Variants in CAMTA1 observed in about 807,000 individuals in gnomAD.
The protein encoded by CAMTA1 is calmodulin binding transcription activator 1.
CAMTA1 carries 27 observed loss-of-function variants against 170.9 expected under a neutral mutation model. That is an observed-to-expected ratio of 0.16 (90% CI 0.12 to 0.22). The LOEUF (loss-of-function observed/expected upper bound fraction) is 0.22. Ranked by LOEUF, CAMTA1 falls within the 10% of genes least tolerant of loss-of-function variation. The probability of loss-of-function intolerance (pLI) is 1.00; values close to 1 mark genes in which losing one functional copy is unlikely to be tolerated. For synonymous variants in CAMTA1, 833 were observed against 891.5 expected (o/e 0.93, Z 1.17); for missense variants, 1,619 against 2,217.2 (o/e 0.73, Z 5.42).
chr1:7,160,820 A>G (rs1468257804), intron 4 of CAMTA1, among the ~76,000 whole-genome samples: 1 of 152,096 alleles, frequency 6.6e-6, no homozygotes, highest in Non-Finnish European at 1.5e-5. Flanking sequence ...CTCTCCCCTG[A>G]CATGCGTTTC....
At chr1:7,002,669 T>C (rs998465593) in intron 3 of CAMTA1, among the ~76,000 whole-genome samples, 1 of 152,238 alleles carries the variant, frequency 6.6e-6, no homozygotes, top group Non-Finnish European at 1.5e-5. Flanking sequence ...GTTCAGTTAC[T>C]CAACCGACAG....
intron 5 of CAMTA1, among the ~76,000 whole-genome samples, chr1:7,265,477 C>T (rs1244597249): frequency 6.6e-6 from 1 of 152,044 alleles, no homozygotes; most frequent in Non-Finnish European, 1.5e-5. Context: ...CTATGCCTGG[C>T]TAATTTTTGT....
intron 3 of CAMTA1, among the ~76,000 whole-genome samples, chr1:7,026,368 G>T (rs1346466024): frequency 2.6e-5 from 4 of 152,094 alleles, no homozygotes; most frequent in Non-Finnish European, 5.9e-5. Flanking sequence ...GTCATCCGTG[G>T]CACGGCCTCA....
chr1:6,913,861 G>A (rs1486692367), intron 3 of CAMTA1, among the ~76,000 whole-genome samples: 3 of 152,164 alleles, frequency 2.0e-5, no homozygotes, highest in African/African-American at 4.8e-5. Flanking sequence ...GAGTACAGGC[G>A]TAGGAGCAGG....
In CAMTA1 at chr1:7,380,744, T is replaced by A. The variant is rs182246871; in HGVS notation, c.439-87086T>A. On this transcript the variant is annotated intron_variant, in intron 5 of 22. Coordinates refer to ENST00000303635, the MANE Select transcript of CAMTA1 (RefSeq NM_015215.4). Reference sequence around the variant, plus strand: ...TTTCTGGAGCCAAGATAACAAACAGTCCTCCCTTCTGATGCCAGGCAGGGT... The same window carrying A: ...TTTCTGGAGCCAAGATAACAAACAGACCTCCCTTCTGATGCCAGGCAGGGT... Among the ~76,000 whole-genome samples, 21 of 152,250 alleles carry A rather than the reference T, an allele frequency of 1.4e-4. No individual in the cohort carries two copies. The East Asian group carries it at 3.9e-3, about 28-fold the overall frequency.
chr1:7,662,424 G>C (rs1171538848), intron 8 of CAMTA1, among the ~76,000 whole-genome samples: 1 of 152,000 alleles, frequency 6.6e-6, no homozygotes, highest in Non-Finnish European at 1.5e-5. Flanking sequence ...CCCATTAGAG[G>C]GTCGTGTCAC....
intron 3 of CAMTA1, among the ~76,000 whole-genome samples, chr1:6,857,946 T>C (rs1663066452): frequency 6.6e-6 from 1 of 152,202 alleles, no homozygotes; most frequent in Admixed American, 6.5e-5. Flanking sequence ...ATGCAAGATA[T>C]GCCAGGGCAG....
intron 4 of CAMTA1, among the ~76,000 whole-genome samples, chr1:7,125,666 G>C (rs1485740765): frequency 2.0e-5 from 3 of 152,212 alleles, no homozygotes; most frequent in African/African-American, 7.2e-5. Context: ...CTAGAGGAAG[G>C]AGAGCTGGCC....
Position 7,664,776 on chromosome 1 carries a change from A to G in CAMTA1, c.2229A>G (p.Gly743=), listed in dbSNP as rs776324794. Residue 743 remains glycine (G), a synonymous_variant, in exon 9 of 23, where the codon GGA becomes GGG. Coordinates refer to ENST00000303635, the MANE Select transcript of CAMTA1 (RefSeq NM_015215.4). ...TCCTCCCGGGCAACGTGGTGCAGGG[A>G]CTCTACCCCGTGGCCCAGCCCAGCC... The part of the protein sequence containing the change: ...VPILPGNVVQ[G]LYPVAQPSLG... 5.0e-6 allele frequency: 8 copies of G among 1,611,764 alleles called. No homozygotes were observed. Among genetic ancestry groups the G allele is most frequent in the Non-Finnish European group, 5.1e-6 (6 of 1,179,232 alleles).
At position 7,685,520 on chromosome 1, in the gene CAMTA1, G is replaced by A. The variant is rs946735425; in HGVS notation, c.2914+7787G>A. Reference sequence around the variant, plus strand: ...CCCATTGATGGCCCCTTCCCCAGGCGAAGCCCTCTGGCTCTGGGCAGTGCG... The same window carrying A: ...CCCATTGATGGCCCCTTCCCCAGGCAAAGCCCTCTGGCTCTGGGCAGTGCG... On this transcript the variant is annotated intron_variant, in intron 11 of 22. Coordinates refer to ENST00000303635, the MANE Select transcript of CAMTA1 (RefSeq NM_015215.4). The surrounding 1 kb of genome is among the most constrained non-coding windows in gnomAD (Gnocchi z 5.7). 1.1e-4 allele frequency among the ~76,000 whole-genome samples: 17 copies of A among 152,148 alleles called. No homozygotes were observed. The highest frequency in any genetic ancestry group is 3.3e-4 in the Admixed American group (5 of 15,268).
intron 2 of CAMTA1, among the ~76,000 whole-genome samples, chr1:6,821,524 A>G (rs1334778296): frequency 4.6e-5 from 7 of 152,176 alleles, no homozygotes; most frequent in Admixed American, 1.3e-4. Context: ...GATATTCCCA[A>G]TAAGATTTAG....
chr1:7,414,831 G>T (rs1237206075), intron 5 of CAMTA1, among the ~76,000 whole-genome samples: 7 of 151,918 alleles, frequency 4.6e-5, no homozygotes, highest in African/African-American at 1.7e-4. Flanking sequence ...TGCTTTTCTA[G>T]TTCTTTTAAT....
At chr1:6,815,341 A>T (rs910856105) in intron 1 of CAMTA1, among the ~76,000 whole-genome samples, 1 of 152,040 alleles carries the variant, frequency 6.6e-6, no homozygotes, top group Admixed American at 6.5e-5. Context: ...TTTAGCTGGG[A>T]CTGCAGGCAC....
In CAMTA1 at chr1:7,007,809, G is replaced by A. The variant is rs902041885; in HGVS notation, c.235-83495G>A. ...ACTCCTCCAGAAGAGAGGCCAGGGAGCATTCCATCAGCCCCACCTCTCCAG... is the reference window on the plus strand; with the variant it reads ...ACTCCTCCAGAAGAGAGGCCAGGGAACATTCCATCAGCCCCACCTCTCCAG... On this transcript the variant is annotated intron_variant, in intron 3 of 22. Transcript: ENST00000303635. The surrounding 1 kb of genome is among the most constrained non-coding windows in gnomAD (Gnocchi z 4.5). Among the ~76,000 whole-genome samples the A allele has an allele frequency of 2.0e-5, 3 of 152,324 alleles. No individual in the cohort carries two copies. Among genetic ancestry groups the A allele is most frequent in the Non-Finnish European group, 4.4e-5 (3 of 68,032 alleles).
intron 5 of CAMTA1, among the ~76,000 whole-genome samples, chr1:7,263,436 A>G (rs1221400273): frequency 6.6e-6 from 1 of 152,202 alleles, no homozygotes; most frequent in Non-Finnish European, 1.5e-5. Flanking sequence ...TTTTACACTC[A>G]ATTAGTTTGT....
At chr1:6,967,092 G>A (rs1040166972) in intron 3 of CAMTA1, among the ~76,000 whole-genome samples, 15 of 151,836 alleles carry the variant, frequency 9.9e-5, no homozygotes, top group South Asian at 2.1e-4. Context: ...AATACGGAAG[G>A]TAGCCAGGTG....
chr1:7,107,577 T>G (rs1321529867), intron 4 of CAMTA1, among the ~76,000 whole-genome samples: 2 of 152,074 alleles, frequency 1.3e-5, no homozygotes, highest in Non-Finnish European at 2.9e-5. Context: ...TGCAAGAAGA[T>G]GGGACAAAAG....
Position 6,926,474 on chromosome 1 carries a change from T to TTCTTTCTTTCTTTCTC in CAMTA1, c.234+101268_234+101283dup, listed in dbSNP as rs1557838211. On this transcript the variant is annotated intron_variant, in intron 3 of 22. Transcript: ENST00000303635. ...TTTCTTTCTTTCTTTCTTTCTTTCT[T>TTCTTTCTTTCTTTCTC]TCTTTCTTTCTTTCTCTCTCTCTTT... Among the ~76,000 whole-genome samples the TTCTTTCTTTCTTTCTC allele has an allele frequency of 2.2e-5, 3 of 137,798 alleles. No individual in the cohort carries two copies. The East Asian group carries it at 6.9e-4, about 32-fold the overall frequency. The allele number at this position is 137,798 out of a possible 152,430, so 90.4% of individuals were successfully genotyped here. A position where few individuals can be genotyped will look rare whatever the true frequency, so the allele number is the denominator to read the frequency against.
chr1:6,812,969 G>C (rs1645359955), intron 1 of CAMTA1, among the ~76,000 whole-genome samples: 1 of 152,188 alleles, frequency 6.6e-6, no homozygotes. Context: ...AGAGGTTACT[G>C]TTTCATTTTT....
Sources: gnomAD v4.1 joint callset for allele counts (sites outside exome capture counted in the v4.1 genomes callset) on GRCh38, gnomAD v4.1.1 for gene constraint, Gnocchi (gnomAD v3.1) non-coding constraint, MANE v1.5 for transcripts, NCBI Gene and HGNC (gene_info 2026-07-23, HGNC 2026-07-21) for gene names.